The following NCAN variants were observed in gnomAD, a reference collection of about 807,000 sequenced individuals.
NCAN encodes the protein neurocan core protein.
NCAN carries 47 observed loss-of-function variants against 121.8 expected under a neutral mutation model. The observed-to-expected ratio is 0.39, with a 90% CI of 0.31 to 0.49. NCAN has a LOEUF of 0.49. Ranked by LOEUF, NCAN falls within the 20% of genes least tolerant of loss-of-function variation. NCAN has a pLI of 0.92. For missense variants in NCAN, 1,517 were observed against 1,773.4 expected, an observed-to-expected ratio of 0.86 and a Z score of 2.60; for synonymous variants, 633 against 702.0, an observed-to-expected ratio of 0.90 and a Z score of 1.55.
Position 19,227,771 on chromosome 19 carries a change from C to G in NCAN, c.2151C>G (p.Asn717Lys), listed in dbSNP as rs1230590872. Residue 717 changes from asparagine to lysine, a missense_variant, in exon 8 of 15, where the codon AAC becomes AAG. Asn to Lys is a moderately conservative substitution (Grantham distance 94, BLOSUM62 0). Coordinates refer to ENST00000252575, the MANE Select transcript of NCAN (RefSeq NM_004386.3). This position sits in a 1 kb window ranked among gnomAD's most constrained non-coding sequence, Gnocchi z 4.2. ...GGGAGACCAGCCCTGCTCAGGTCAA[C>G]AAAGCTGAGCACTCCAGCTCCAGCC... is the stretch of plus-strand genomic sequence containing the variant. ...ETGETSPAQVNKAEHSSSSPW... is the reference protein window; with the variant it reads ...ETGETSPAQVKKAEHSSSSPW... 9.3e-6 allele frequency: 15 copies of G among 1,613,738 alleles called. 1 individual carries two copies. In the South Asian group the frequency reaches 1.6e-4, roughly 18 times the overall value.
At chr19:19,216,740 C>T (rs2060797599) in intron 1 of NCAN, among the ~76,000 whole-genome samples, 1 of 152,262 alleles carries the variant, frequency 6.6e-6, no homozygotes, top group Non-Finnish European at 1.5e-5. Flanking sequence ...CCGCGTCCAG[C>T]CACTGCTATT....
At chr19:19,240,733 T>G (rs1444194551) in intron 12 of NCAN, 48 bp downstream of exon 12, 1 of 1,566,318 alleles carries the variant, frequency 6.4e-7, no homozygotes, top group Admixed American at 1.7e-5. Context: ...ACATCAGCCC[T>G]GCCATCTGGC....
intron 1 of NCAN, among the ~76,000 whole-genome samples, chr19:19,215,888 CG>C (rs1330288346): frequency 2.0e-5 from 3 of 152,066 alleles, no homozygotes; most frequent in African/African-American, 7.2e-5. Flanking sequence ...GTGTTAAGGT[CG>C]GTAATAATAA....
intron 8 of NCAN, among the ~76,000 whole-genome samples, chr19:19,231,751 C>T (rs1342372815): frequency 1.3e-5 from 2 of 151,948 alleles, no homozygotes; most frequent in African/African-American, 4.8e-5. Flanking sequence ...GAGGCTGAGA[C>T]GGAGGATCAC....
chr19:19,228,636 G>C lies in NCAN; in HGVS notation c.3016G>C (p.Glu1006Gln). Residue 1006 changes from glutamate to glutamine, a missense_variant, in exon 8 of 15, where the codon GAG becomes CAG. Transcript: ENST00000252575. ...PGTPMNAGAE[E>Q]VHSDPCENNP... ...GACCCCTATGAATGCAGGTGCGGAG[G>C]AGGGTGAGTACAAAGTCCCGGGGCT... The C allele has an allele frequency of 6.2e-7, 1 of 1,607,774 alleles. No homozygotes were observed. Among genetic ancestry groups the C allele is most frequent in the African/African-American group, 1.3e-5 (1 of 74,960 alleles).
intron 8 of NCAN, among the ~76,000 whole-genome samples, chr19:19,231,330 C>CTTTT (rs560601760): frequency 7.4e-6 from 1 of 134,758 alleles, no homozygotes; most frequent in South Asian, 2.4e-4. Context: ...CATGGGGTTT[C>CTTTT]TTTTTTTTTT....
chr19:19,246,536 TTTTG>T (rs554276995), intron 13 of NCAN, among the ~76,000 whole-genome samples: 17 of 152,134 alleles, frequency 1.1e-4, no homozygotes, highest in South Asian at 2.1e-4. Context: ...ACCAGTTGTT[TTTTG>T]TTTGTTTGTT....
chr19:19,227,464 G>T lies in NCAN; in HGVS notation c.1844G>T (p.Ser615Ile). ...TTGGAGGCCACTGTCTCAGCTCCCA[G>T]CCCTGCCCCCTGGGAGGCATTCCCT... ...SPLEATVSAPSPAPWEAFPVA... is the reference protein window; with the variant it reads ...SPLEATVSAPIPAPWEAFPVA... Residue 615 changes from serine to isoleucine, a missense_variant, in exon 8 of 15, where the codon AGC (serine) becomes ATC (isoleucine). Coordinates refer to ENST00000252575, the MANE Select transcript of NCAN (RefSeq NM_004386.3). The surrounding 1 kb of genome is among the most constrained non-coding windows in gnomAD (Gnocchi z 4.2). 6.2e-7 allele frequency: 1 copy of T among 1,613,524 alleles called. No homozygotes were observed. The highest frequency in any genetic ancestry group is 8.5e-7 in the Non-Finnish European group (1 of 1,179,848).
intron 10 of NCAN, among the ~76,000 whole-genome samples, chr19:19,236,727 GC>G (rs953539230): frequency 1.4e-4 from 20 of 145,722 alleles, no homozygotes; most frequent in Non-Finnish European, 2.7e-4. Flanking sequence ...ACTGTGCTTG[GC>G]CTTTTTTTTT....
At chr19:19,223,693 G>A (rs936896632) in intron 3 of NCAN, among the ~76,000 whole-genome samples, 18 of 152,022 alleles carry the variant, frequency 1.2e-4, no homozygotes, top group African/African-American at 3.9e-4. Context: ...GGCTGGTCTC[G>A]AACTCCTGAC....
intron 13 of NCAN, 143 bp from the exon 14 acceptor site, chr19:19,248,557 G>A (rs1050571190): frequency 1.9e-5 from 13 of 687,088 alleles, no homozygotes; most frequent in African/African-American, 3.7e-5. Flanking sequence ...CCAGAGAGGC[G>A]GAGGTTGCAG....
chr19:19,221,751 A>C (rs146824729), intron 3 of NCAN, among the ~76,000 whole-genome samples: 134 of 152,068 alleles, frequency 8.8e-4, no homozygotes, highest in African/African-American at 3.1e-3. Context: ...TTAGCAGGGC[A>C]TGCTAGTGTG....
chr19:19,221,898 T>C (rs1476365249), intron 3 of NCAN, among the ~76,000 whole-genome samples: 1 of 151,758 alleles, frequency 6.6e-6, no homozygotes, highest in Non-Finnish European at 1.5e-5. Context: ...CTCAAATAAA[T>C]AAATAAATAA....
rs757736748 is a variant in NCAN, at chr19:19,248,718, C to T, written c.3656C>T (p.Pro1219Leu). Residue 1219 changes from proline (P) to leucine (L), a missense_variant, in exon 14 of 15, where the codon CCG becomes CTG. Physicochemically the swap from Pro to Leu is moderately conservative, Grantham distance 98 (BLOSUM62 -3). Transcript: ENST00000252575. The stretch of plus-strand genomic sequence containing the variant: ...GTCCCAGTGCTCTGTGGTCCCCCTC[C>T]GGCAGTGGAGAATGCCTCACTCATC... The part of the protein sequence containing the change: ...KKGTVLCGPP[P>L]AVENASLIGA... The T allele has an allele frequency of 3.1e-6, 5 of 1,614,000 alleles. No individual in the cohort carries two copies. The highest frequency in any genetic ancestry group is 2.2e-5 in the East Asian group (1 of 44,902).
At position 19,225,152 on chromosome 19, in the gene NCAN, C is replaced by A. The variant is rs918895699; in HGVS notation, c.954C>A (p.Ile318=). Residue 318 remains isoleucine, a synonymous_variant, in exon 6 of 15, where the codon ATC becomes ATA. Coordinates refer to ENST00000252575, the MANE Select transcript of NCAN (RefSeq NM_004386.3). This position sits in a 1 kb window ranked among gnomAD's most constrained non-coding sequence, Gnocchi z 4.0. ...WLADGSVRYP[I]QTPRRRCGGP... ...CCGACGGCAGCGTGCGCTACCCGAT[C>A]CAGACGCCGCGCCGGCGCTGCGGGG... 1 of 1,530,372 alleles carries A rather than the reference C, an allele frequency of 6.5e-7. No homozygotes were observed. The highest frequency in any genetic ancestry group is 2.5e-5 in the East Asian group (1 of 39,652). 94.8% of individuals were successfully genotyped at this position (1,530,372 alleles called of 1,614,324 possible).
chr19:19,235,868 C>T (rs1304083810), intron 10 of NCAN, among the ~76,000 whole-genome samples: 1 of 152,080 alleles, frequency 6.6e-6, no homozygotes, highest in Non-Finnish European at 1.5e-5. Flanking sequence ...TCCTTAGCCT[C>T]CCCAGTAGGC....
chr19:19,233,950 C>G (rs1039147925), intron 9 of NCAN, 45 bp downstream of exon 9: 13 of 1,303,570 alleles, frequency 1.0e-5, no homozygotes, highest in African/African-American at 5.8e-5. Flanking sequence ...TTGTTTGACT[C>G]CAGAGCCTTG....
intron 1 of NCAN, among the ~76,000 whole-genome samples, chr19:19,216,718 A>G (rs1243328959): frequency 6.6e-6 from 1 of 152,240 alleles, no homozygotes; most frequent in Non-Finnish European, 1.5e-5. Flanking sequence ...CTGGAACTAT[A>G]GGCGTGAGCC....
chr19:19,223,782 C>T (rs1002222797), intron 3 of NCAN, among the ~76,000 whole-genome samples: 6 of 152,082 alleles, frequency 3.9e-5, no homozygotes, highest in African/African-American at 1.4e-4. Context: ...CGGCCGTAAA[C>T]GCTTTTCACA....
Sources: allele counts gnomAD v4.1 joint callset (sites outside exome capture counted in the v4.1 genomes callset), GRCh38; gene constraint gnomAD v4.1.1; non-coding constraint Gnocchi (gnomAD v3.1); transcripts MANE v1.5; gene names NCBI Gene and HGNC (gene_info 2026-07-23, HGNC 2026-07-21).